Variants in SH3GLB1 observed in about 807,000 individuals in gnomAD.
SH3GLB1 encodes the protein SH3 domain containing GRB2 like, endophilin B1, also known as endophilin-B1.
SH3GLB1 carries 17 observed loss-of-function variants against 42.0 expected under a neutral mutation model. That is an observed-to-expected ratio of 0.40 (90% CI 0.28 to 0.61). The LOEUF (loss-of-function observed/expected upper bound fraction) is 0.61, where lower values mean the gene tolerates loss of function less well. Ranked by LOEUF, SH3GLB1 falls within the 20% of genes least tolerant of loss-of-function variation. The pLI is 0.36. For missense variants in SH3GLB1, 355 were observed against 426.3 expected, an observed-to-expected ratio of 0.83 and a Z score of 1.47; for synonymous variants, 132 against 146.6, an observed-to-expected ratio of 0.90 and a Z score of 0.72.
At position 86,742,204 on chromosome 1, in the gene SH3GLB1, A is replaced by G. The variant is rs755176319; in HGVS notation, c.762-4A>G. 1.2e-6 allele frequency: 2 copies of G among 1,611,384 alleles called. No individual in the cohort carries two copies. Among genetic ancestry groups the G allele is most frequent in the South Asian group, 1.1e-5 (1 of 91,040 alleles). On this transcript the variant is annotated splice_polypyrimidine_tract_variant and splice_region_variant and intron_variant, in intron 7 of 8. Transcript: ENST00000370558. ...TAAATAATTCGCTGCTTTCTTTTCA[A>G]CAGTTTTCCATCCAATTATCTTAGT...
chr1:86,716,441 AT>A (rs779127787), intron 2 of SH3GLB1, among the ~76,000 whole-genome samples: 1 of 151,184 alleles, frequency 6.6e-6, no homozygotes, highest in South Asian at 2.1e-4. Flanking sequence ...CGCCCAGCTA[AT>A]TTTTTTTTGT....
At chr1:86,721,616 A>G (rs1463406084) in intron 3 of SH3GLB1, among the ~76,000 whole-genome samples, 1 of 152,192 alleles carries the variant, frequency 6.6e-6, no homozygotes, top group African/African-American at 2.4e-5. Flanking sequence ...GTATCAGAGT[A>G]TATGTATTGC....
At position 86,743,284 on chromosome 1, in the gene SH3GLB1, C is replaced by T. The variant is rs1220889448; in HGVS notation, c.*49C>T. 11 of 1,256,590 alleles carry T rather than the reference C, an allele frequency of 8.8e-6. No homozygotes were observed. The highest frequency in any genetic ancestry group is 1.1e-5 in the Non-Finnish European group (10 of 899,296). 77.8% of individuals were successfully genotyped at this position (1,256,590 alleles called of 1,614,324 possible). ...CCCATCATGACTTTGTATTTATATA[C>T]AATTAACTCTAAATAAAGCAGGTTA... On this transcript the variant is annotated 3_prime_UTR_variant, in exon 9 of 9. Transcript: ENST00000370558.
In SH3GLB1 at chr1:86,719,527, G is replaced by A. The variant is rs748392734; in HGVS notation, c.235G>A (p.Val79Ile). The A allele has an allele frequency of 3.1e-6, 5 of 1,610,594 alleles. No homozygotes were observed. In the South Asian group the frequency reaches 4.4e-5, roughly 14 times the overall value. Residue 79 changes from valine to isoleucine, a missense_variant, in exon 3 of 9, where the codon GTT (valine) becomes ATT (isoleucine). Val to Ile is a conservative substitution (Grantham distance 29). Transcript: ENST00000370558. ...CCTAGATGCCAGGATAGAAGAATTTGTTTATGAGAAACTGGATAGAAAAGC... is the reference window on the plus strand; with the variant it reads ...CCTAGATGCCAGGATAGAAGAATTTATTTATGAGAAACTGGATAGAAAAGC... ...PNPNARIEEF[V>I]YEKLDRKAPS...
intron 5 of SH3GLB1, among the ~76,000 whole-genome samples, chr1:86,725,294 A>G (rs1306232570): frequency 6.6e-6 from 1 of 152,108 alleles, no homozygotes; most frequent in African/African-American, 2.4e-5. Flanking sequence ...CAGTGGCAGT[A>G]TGGACTTTCA....
chr1:86,734,733 T>C lies in SH3GLB1; in HGVS notation c.660+42T>C, dbSNP rs760205954. The C allele has an allele frequency of 7.9e-6, 12 of 1,511,446 alleles. No homozygotes were observed. The South Asian group carries it at 1.4e-4, about 17-fold the overall frequency. 93.6% of individuals were successfully genotyped at this position (1,511,446 alleles called of 1,614,324 possible). On this transcript the variant is annotated intron_variant, in intron 6 of 8. Coordinates refer to ENST00000370558, the MANE Select transcript of SH3GLB1 (RefSeq NM_016009.5). The stretch of plus-strand genomic sequence containing the variant: ...TGGAAATTCATTTGGAACAAGACTT[T>C]GGTAGTCCTAAGGCAATTTTGGGAG...
At chr1:86,721,957 G>T (rs76874893) in intron 3 of SH3GLB1, among the ~76,000 whole-genome samples, 200 of 150,266 alleles carry the variant, frequency 1.3e-3, no homozygotes, top group African/African-American at 4.6e-3. Context: ...TATTTTTTAG[G>T]AAATAATGAC....
At chr1:86,734,453 G>A (rs1264580482) in intron 5 of SH3GLB1, 149 bp from the exon 6 acceptor site, 4 of 602,560 alleles carry the variant, frequency 6.6e-6, no homozygotes, top group Middle Eastern at 4.6e-4. Flanking sequence ...AGAAACCAGG[G>A]GACCATTTTA....
In SH3GLB1 at chr1:86,724,880, A is replaced by ATATATATATATATAT. The variant is rs1284567743; in HGVS notation, c.570+475_570+476insTATATATATATATAT. Among the ~76,000 whole-genome samples the ATATATATATATATAT allele has an allele frequency of 6.9e-4, 72 of 103,832 alleles. 1 individual carries two copies. The highest frequency in any genetic ancestry group is 2.1e-3 in the African/African-American group (39 of 18,532). The allele number at this position is 103,832 out of a possible 152,430, so 68.1% of individuals were successfully genotyped here. A position where few individuals can be genotyped will look rare whatever the true frequency, so the allele number is the denominator to read the frequency against. On this transcript the variant is annotated intron_variant, in intron 5 of 8. Coordinates refer to ENST00000370558, the MANE Select transcript of SH3GLB1 (RefSeq NM_016009.5). ...CAGAGCCAGACCCTGTCTTTAAAAA[A>ATATATATATATATAT]AAAAAAAAAAAAATATATATATATA...
In SH3GLB1 at chr1:86,744,557, A is replaced by T. The variant is rs939656308; in HGVS notation, c.*1322A>T. ...AGGGTCTGGGGAAGAACTGTTCCAG[A>T]TAAAAAGATGTGTAACCAAGATAGC... On this transcript the variant is annotated 3_prime_UTR_variant, in exon 9 of 9. Coordinates refer to ENST00000370558, the MANE Select transcript of SH3GLB1 (RefSeq NM_016009.5). 1 of 152,184 alleles carries T rather than the reference A, an allele frequency of 6.6e-6. No homozygotes were observed. Among genetic ancestry groups the T allele is most frequent in the Non-Finnish European group, 1.5e-5 (1 of 68,038 alleles). The allele number at this position is 152,184 out of a possible 1,614,324, so 9.4% of individuals were successfully genotyped here. A position where few individuals can be genotyped will look rare whatever the true frequency, so the allele number is the denominator to read the frequency against.
intron 1 of SH3GLB1, among the ~76,000 whole-genome samples, chr1:86,707,674 G>A (rs1653949988): frequency 7.3e-6 from 1 of 136,886 alleles, no homozygotes; most frequent in African/African-American, 2.9e-5. Context: ...TTGAGATGGA[G>A]TTTGGCTCTT....
intron 7 of SH3GLB1, among the ~76,000 whole-genome samples, chr1:86,741,326 A>G (rs1220137695): frequency 6.6e-6 from 1 of 152,192 alleles, no homozygotes; most frequent in Non-Finnish European, 1.5e-5. Flanking sequence ...GAATTTTTGT[A>G]GATCATTTTT....
Position 86,715,795 on chromosome 1 carries a change from A to C in SH3GLB1, c.144A>C (p.Lys48Asn), listed in dbSNP as rs1458106954. ...LDAHLENLLS[K>N]AECTKIWTEK... Reference sequence around the variant, plus strand: ...CTCACTTAGAGAACCTCCTTAGCAAAGCTGAATGTACCAAAATATGGACAG... The same window carrying C: ...CTCACTTAGAGAACCTCCTTAGCAACGCTGAATGTACCAAAATATGGACAG... The change falls in exon 2 of 9, where the codon AAA (lysine) becomes AAC (asparagine). Residue 48 changes from lysine (K) to asparagine (N), a missense_variant. Coordinates refer to ENST00000370558, the MANE Select transcript of SH3GLB1 (RefSeq NM_016009.5). 6.2e-7 allele frequency: 1 copy of C among 1,612,666 alleles called. No homozygotes were observed. The highest frequency in any genetic ancestry group is 1.1e-5 in the South Asian group (1 of 90,516).
At chr1:86,737,220 T>C (rs1655819997) in intron 7 of SH3GLB1, among the ~76,000 whole-genome samples, 1 of 152,180 alleles carries the variant, frequency 6.6e-6, no homozygotes, top group African/African-American at 2.4e-5. Flanking sequence ...AGTGGCTTAA[T>C]TGACATTTTT....
At chr1:86,726,177 A>ATGCC (rs1655185477) in intron 5 of SH3GLB1, among the ~76,000 whole-genome samples, 1 of 152,106 alleles carries the variant, frequency 6.6e-6, no homozygotes. Flanking sequence ...TTTATTCAAG[A>ATGCC]TGCCTATATG....
intron 5 of SH3GLB1, chr1:86,729,957 A>G: frequency 1.2e-6 from 1 of 863,068 alleles, no homozygotes; most frequent in East Asian, 2.8e-5. Context: ...TACTGTGTTT[A>G]ATCTATAAAT....
Position 86,743,260 on chromosome 1 carries a change from C to A in SH3GLB1, c.*25C>A. On this transcript the variant is annotated 3_prime_UTR_variant, in exon 9 of 9. Transcript: ENST00000370558. ...AGTAGGTGGACTATGGAAAGGTTGC[C>A]CATCATGACTTTGTATTTATATACA... 1.3e-6 allele frequency: 2 copies of A among 1,504,908 alleles called. No individual in the cohort carries two copies. Among genetic ancestry groups the A allele is most frequent in the Admixed American group, 2.1e-5 (1 of 48,112 alleles). The allele number at this position is 1,504,908 out of a possible 1,614,324, so 93.2% of individuals were successfully genotyped here.
chr1:86,708,491 A>G (rs1193004459), intron 1 of SH3GLB1, among the ~76,000 whole-genome samples: 1 of 152,238 alleles, frequency 6.6e-6, no homozygotes, highest in Admixed American at 6.5e-5. Context: ...TTGTTTTAAA[A>G]AAAGGTCAGC....
chr1:86,709,904 A>G (rs967744064), intron 1 of SH3GLB1, among the ~76,000 whole-genome samples: 12 of 152,206 alleles, frequency 7.9e-5, no homozygotes, highest in Admixed American at 3.3e-4. Context: ...TTGCCGTTCA[A>G]TAGCTCCTGT....
Sources: allele counts gnomAD v4.1 joint callset (sites outside exome capture counted in the v4.1 genomes callset), GRCh38; gene constraint gnomAD v4.1.1; transcripts MANE v1.5; gene names NCBI Gene and HGNC (gene_info 2026-07-23, HGNC 2026-07-21).